Variants in SSBP2 observed in about 807,000 individuals in gnomAD.
The protein encoded by SSBP2 is single-stranded DNA-binding protein 2.
A neutral mutation model predicts 61.8 loss-of-function variants in SSBP2; 17 were observed. That is an observed-to-expected ratio of 0.28 (90% confidence interval 0.19 to 0.41). The LOEUF is 0.41. Ranked by LOEUF, SSBP2 falls within the 10% of genes least tolerant of loss-of-function variation. The pLI is 1.00. For synonymous variants in SSBP2, 139 were observed against 141.3 expected, an observed-to-expected ratio of 0.98 and a Z score of 0.12; for missense variants, 310 against 458.7, an observed-to-expected ratio of 0.68 and a Z score of 2.96.
chr5:81,710,238 C>A (rs1754677931), intron 1 of SSBP2, among the ~76,000 whole-genome samples: 1 of 152,050 alleles, frequency 6.6e-6, no homozygotes, highest in Non-Finnish European at 1.5e-5. Context: ...TGGTAGTAGA[C>A]AGACGAGGAT....
In SSBP2 at chr5:81,727,510, T is replaced by C. The variant is rs552257309; in HGVS notation, c.62+23471A>G. ...GTTGCAGTGAGCTGAGATCGCACCA[T>C]TGCACTCCAACCTGAGCAACAAGAG... On this transcript the variant is annotated intron_variant, in intron 1 of 16. Transcript: ENST00000320672. Among the ~76,000 whole-genome samples, 207 of 152,048 alleles carry C rather than the reference T, an allele frequency of 1.4e-3. 1 individual carries two copies. Among genetic ancestry groups the C allele is most frequent in the African/African-American group, 4.5e-3 (188 of 41,510 alleles).
chr5:81,448,427 C>T (rs1379530863), intron 11 of SSBP2, among the ~76,000 whole-genome samples: 1 of 152,134 alleles, frequency 6.6e-6, no homozygotes, highest in Admixed American at 6.5e-5. Flanking sequence ...TCTTCTTAGA[C>T]GCTATGTGTG....
intron 1 of SSBP2, among the ~76,000 whole-genome samples, chr5:81,673,519 C>T (rs1751741692): frequency 6.6e-6 from 1 of 152,052 alleles, no homozygotes; most frequent in African/African-American, 2.4e-5. Flanking sequence ...TAGTTGACTG[C>T]AAATTCAAGA....
chr5:81,561,590 A>C (rs1478539555), intron 4 of SSBP2, among the ~76,000 whole-genome samples: 1 of 152,042 alleles, frequency 6.6e-6, no homozygotes, highest in Non-Finnish European at 1.5e-5. Flanking sequence ...TTTGAAAAAG[A>C]CAATTTGGGG....
At chr5:81,463,006 A>T (rs1384029357) in intron 9 of SSBP2, among the ~76,000 whole-genome samples, 1 of 151,976 alleles carries the variant, frequency 6.6e-6, no homozygotes, top group Non-Finnish European at 1.5e-5. Flanking sequence ...TTAAATATTT[A>T]ATTTAATTTA....
chr5:81,561,600 G>T (rs1773045423), intron 4 of SSBP2, among the ~76,000 whole-genome samples: 1 of 150,994 alleles, frequency 6.6e-6, no homozygotes, highest in Non-Finnish European at 1.5e-5. Flanking sequence ...ACAATTTGGG[G>T]ATTAAGACCA....
intron 4 of SSBP2, among the ~76,000 whole-genome samples, chr5:81,582,429 A>G (rs956099883): frequency 6.6e-6 from 1 of 152,192 alleles, no homozygotes; most frequent in Non-Finnish European, 1.5e-5. Flanking sequence ...AACCTAATGC[A>G]TATGTACTCA....
intron 2 of SSBP2, among the ~76,000 whole-genome samples, chr5:81,648,324 A>G (rs1749447205): frequency 6.6e-6 from 1 of 152,132 alleles, no homozygotes; most frequent in Non-Finnish European, 1.5e-5. Context: ...TGATTTGAAT[A>G]AACTTTTGAA....
chr5:81,750,280 C>T (rs1202182344), intron 1 of SSBP2, among the ~76,000 whole-genome samples: 2 of 138,894 alleles, frequency 1.4e-5, no homozygotes, highest in Admixed American at 7.4e-5. Context: ...CCCCGCGATG[C>T]GCGGGGGACT....
intron 1 of SSBP2, among the ~76,000 whole-genome samples, chr5:81,730,269 G>T (rs1439186542): frequency 6.6e-6 from 1 of 152,150 alleles, no homozygotes; most frequent in Non-Finnish European, 1.5e-5. Context: ...CTGTCGCCCA[G>T]GCTGGAGTGC....
At chr5:81,498,798 AAAT>A (rs771000540) in intron 5 of SSBP2, among the ~76,000 whole-genome samples, 38 of 152,130 alleles carry the variant, frequency 2.5e-4, no homozygotes, top group Non-Finnish European at 8.8e-5. Context: ...AGTATTAAAT[AAAT>A]AATATTGAGA....
At chr5:81,542,492 G>A (rs1394082298) in intron 4 of SSBP2, among the ~76,000 whole-genome samples, 1 of 152,046 alleles carries the variant, frequency 6.6e-6, no homozygotes, top group African/African-American at 2.4e-5. Context: ...CAATAGCAAA[G>A]ACATGGTATC....
intron 4 of SSBP2, among the ~76,000 whole-genome samples, chr5:81,559,661 CTTA>C (rs968082011): frequency 6.6e-6 from 1 of 152,034 alleles, no homozygotes; most frequent in Non-Finnish European, 1.5e-5. Flanking sequence ...AATTTGCCTT[CTTA>C]TAAAAGTATC....
chr5:81,432,822 C>G (rs368823409), intron 15 of SSBP2, among the ~76,000 whole-genome samples: 1 of 150,988 alleles, frequency 6.6e-6, no homozygotes, highest in East Asian at 2.0e-4. Context: ...GTCAGCCCCC[C>G]GCCCGGCCAG....
chr5:81,736,674 A>G (rs1362848218), intron 1 of SSBP2, among the ~76,000 whole-genome samples: 1 of 152,238 alleles, frequency 6.6e-6, no homozygotes, highest in Non-Finnish European at 1.5e-5. Flanking sequence ...TCAAATAATA[A>G]AAAGTATTTT....
intron 1 of SSBP2, among the ~76,000 whole-genome samples, chr5:81,740,943 A>C (rs192956957): frequency 6.6e-6 from 1 of 152,238 alleles, no homozygotes; most frequent in South Asian, 2.1e-4. Flanking sequence ...TCCCACCCCA[A>C]CTAAAAATGA....
chr5:81,579,330 A>C (rs949438725), intron 4 of SSBP2, among the ~76,000 whole-genome samples: 1 of 152,060 alleles, frequency 6.6e-6, no homozygotes. Flanking sequence ...TCCAAGTACA[A>C]ATGTCCAATG....
intron 1 of SSBP2, among the ~76,000 whole-genome samples, chr5:81,667,386 C>T (rs1433612979): frequency 1.3e-5 from 2 of 151,880 alleles, no homozygotes; most frequent in Non-Finnish European, 2.9e-5. Flanking sequence ...AGAACCATTG[C>T]TCCCACAGGG....
rs907145819 is a variant in SSBP2, at chr5:81,749,363, G to A, written c.62+1618C>T. 9.9e-5 allele frequency among the ~76,000 whole-genome samples: 15 copies of A among 152,226 alleles called. No homozygotes were observed. The East Asian group carries it at 2.7e-3, about 27-fold the overall frequency. ...GGCCTGATACCTCTAAATCCTATGGGAATTGAGTGTGTTGCTGCCAACACA... is the reference window on the plus strand; with the variant it reads ...GGCCTGATACCTCTAAATCCTATGGAAATTGAGTGTGTTGCTGCCAACACA... On this transcript the variant is annotated intron_variant, in intron 1 of 16. Coordinates refer to ENST00000320672, the MANE Select transcript of SSBP2 (RefSeq NM_012446.5).
Sources: allele counts gnomAD v4.1 joint callset (sites outside exome capture counted in the v4.1 genomes callset), GRCh38; gene constraint gnomAD v4.1.1; transcripts MANE v1.5; gene names NCBI Gene and HGNC (gene_info 2026-07-23, HGNC 2026-07-21).